The following ROBO2 variants were observed in gnomAD, a reference collection of about 807,000 sequenced individuals.
The protein encoded by ROBO2 is roundabout homolog 2.
ROBO2 carries 53 observed loss-of-function variants against 160.8 expected under a neutral mutation model. The ratio of observed to expected loss-of-function variants is 0.33; its 90% confidence interval spans 0.26 to 0.41. The LOEUF is 0.41. ROBO2 is among the 10% of genes least tolerant of loss of function. The pLI, the probability that ROBO2 is intolerant of heterozygous loss-of-function variation, is 1.00. For synonymous variants in ROBO2, 664 were observed against 611.7 expected (o/e 1.09, Z -1.26); for missense variants, 1,577 against 1,722.4 (o/e 0.92, Z 1.49).
intron 2 of ROBO2, among the ~76,000 whole-genome samples, chr3:75,976,480 T>G (rs1473585275): frequency 6.6e-6 from 1 of 151,484 alleles, no homozygotes; most frequent in Non-Finnish European, 1.5e-5. Context: ...ACTTATACAA[T>G]GTAGAAAGAA....
At chr3:77,343,057 G>GGAGAGAGA (rs766199289) in intron 2 of ROBO2, among the ~76,000 whole-genome samples, 1 of 63,666 alleles carries the variant, frequency 1.6e-5, no homozygotes, top group Admixed American at 1.6e-4. Flanking sequence ...ATAGGTAGAT[G>GGAGAGAGA]GAGAGAGAGA....
rs56787695 is a variant in ROBO2, at chr3:75,911,552, C to CTTTTTTTT, written c.-14+4608_-14+4615dup. On this transcript the variant is annotated intron_variant, in intron 1 of 26. Transcript: ENST00000487694. ...AAGATCCCTTTCTGAAGCCTTGTTT[C>CTTTTTTTT]TTTTTTTTTTTTTTTTTTTTTTTGA... is the stretch of plus-strand genomic sequence containing the variant. 4.7e-3 allele frequency among the ~76,000 whole-genome samples: 392 copies of CTTTTTTTT among 83,410 alleles called. 1 individual carries two copies. Among genetic ancestry groups the CTTTTTTTT allele is most frequent in the African/African-American group, 8.3e-3 (174 of 20,874 alleles). 54.7% of individuals were successfully genotyped at this position (83,410 alleles called of 152,430 possible).
In ROBO2 at chr3:76,180,001, T is replaced by A. The variant is rs138150628; in HGVS notation, c.109+242399T>A. Among the ~76,000 whole-genome samples the A allele has an allele frequency of 3.7e-3, 556 of 152,262 alleles. 4 individuals carry two copies. Among genetic ancestry groups the A allele is most frequent in the African/African-American group, 0.013 (540 of 41,554 alleles). The stretch of plus-strand genomic sequence containing the variant: ...GCTTGGAAGTTATTTATTTCGTCCG[T>A]GCCATTGCTTCTGCTGCTCCGGCAG... On this transcript the variant is annotated intron_variant, in intron 2 of 26. Coordinates refer to the ROBO2 transcript ENST00000487694.
At chr3:76,329,841 C>T (rs2073346990) in intron 2 of ROBO2, among the ~76,000 whole-genome samples, 1 of 152,092 alleles carries the variant, frequency 6.6e-6, no homozygotes, top group Non-Finnish European at 1.5e-5. Context: ...TCTTCAAAGG[C>T]CCTTTTATTT....
At chr3:76,080,875 T>C (rs943530273) in intron 2 of ROBO2, among the ~76,000 whole-genome samples, 2 of 152,316 alleles carry the variant, frequency 1.3e-5, no homozygotes, top group South Asian at 2.1e-4. Flanking sequence ...TAAAACTATT[T>C]TTAATCCTTG....
chr3:76,215,184 A>G (rs1703423138), intron 2 of ROBO2, among the ~76,000 whole-genome samples: 1 of 152,170 alleles, frequency 6.6e-6, no homozygotes, highest in South Asian at 2.1e-4. Context: ...TCAAAGACCA[A>G]AGGTAGATAA....
chr3:76,791,916 T>A (rs2108742071), intron 2 of ROBO2, among the ~76,000 whole-genome samples: 1 of 152,000 alleles, frequency 6.6e-6, no homozygotes, highest in South Asian at 2.1e-4. Flanking sequence ...TTTTGTTAAT[T>A]ATTATAAATA....
intron 2 of ROBO2, among the ~76,000 whole-genome samples, chr3:76,946,983 A>C (rs185919152): frequency 6.6e-6 from 1 of 152,190 alleles, no homozygotes; most frequent in Non-Finnish European, 1.5e-5. Context: ...TCTTGTGTAT[A>C]TTTAGTCTAA....
At chr3:76,944,249 T>A (rs760331031) in intron 2 of ROBO2, among the ~76,000 whole-genome samples, 16 of 152,156 alleles carry the variant, frequency 1.1e-4, no homozygotes, top group Non-Finnish European at 1.9e-4. Flanking sequence ...ACTGGCAAGT[T>A]ATCACAAATT....
At chr3:77,432,505 C>A (rs1255542417) in intron 2 of ROBO2, among the ~76,000 whole-genome samples, 1 of 152,078 alleles carries the variant, frequency 6.6e-6, no homozygotes, top group Non-Finnish European at 1.5e-5. Context: ...TATTATAGAC[C>A]AGGGTGTGGG....
chr3:76,018,152 A>G (rs530050853), intron 2 of ROBO2, among the ~76,000 whole-genome samples: 3 of 152,160 alleles, frequency 2.0e-5, no homozygotes, highest in East Asian at 3.9e-4. Context: ...TTACTGGGCA[A>G]TAGTTAAAAG....
At chr3:77,388,327 T>C (rs1227244876) in intron 2 of ROBO2, among the ~76,000 whole-genome samples, 1 of 152,110 alleles carries the variant, frequency 6.6e-6, no homozygotes, top group Non-Finnish European at 1.5e-5. Flanking sequence ...GGCTGGACAA[T>C]CACTTAAGCC....
At chr3:77,432,792 A>C (rs1265785703) in intron 2 of ROBO2, among the ~76,000 whole-genome samples, 1 of 152,160 alleles carries the variant, frequency 6.6e-6, no homozygotes, top group Middle Eastern at 3.2e-3. Flanking sequence ...TCAGGAATTC[A>C]TGCTACCCTA....
chr3:77,124,769 A>G (rs1229545745), intron 2 of ROBO2, among the ~76,000 whole-genome samples: 1 of 152,178 alleles, frequency 6.6e-6, no homozygotes, highest in African/African-American at 2.4e-5. Flanking sequence ...TCCAATTAAA[A>G]GTAACAAATA....
intron 3 of ROBO2, among the ~76,000 whole-genome samples, chr3:77,480,000 T>A (rs1391596498): frequency 6.6e-6 from 1 of 152,178 alleles, no homozygotes; most frequent in Non-Finnish European, 1.5e-5. Flanking sequence ...TACCTAGCTC[T>A]CAGCTTCAAG....
At chr3:76,141,179 A>ATATATATATATATATATATATT (rs1168896409) in intron 2 of ROBO2, among the ~76,000 whole-genome samples, 5 of 104,492 alleles carry the variant, frequency 4.8e-5, no homozygotes, top group Admixed American at 3.5e-4. Flanking sequence ...ATATATATAT[A>ATATATATATATATATATATATT]TATATATATT....
intron 2 of ROBO2, among the ~76,000 whole-genome samples, chr3:76,070,630 C>T (rs2068420897): frequency 6.6e-6 from 1 of 152,080 alleles, no homozygotes; most frequent in South Asian, 2.1e-4. Flanking sequence ...TCACCCACAC[C>T]TATTCGCACA....
intron 2 of ROBO2, among the ~76,000 whole-genome samples, chr3:76,979,867 T>C (rs1451028043): frequency 6.6e-6 from 1 of 151,854 alleles, no homozygotes; most frequent in Non-Finnish European, 1.5e-5. Context: ...TTTGAGGAGA[T>C]TCCTGGAAAC....
chr3:76,841,168 G>T (rs769375919), intron 2 of ROBO2, among the ~76,000 whole-genome samples: 3 of 152,098 alleles, frequency 2.0e-5, no homozygotes, highest in Admixed American at 2.0e-4. Flanking sequence ...CTGTGCAAGC[G>T]CCATTGGATT....
Sources: allele counts gnomAD v4.1 joint callset (sites outside exome capture counted in the v4.1 genomes callset), GRCh38; gene constraint gnomAD v4.1.1; transcripts MANE v1.5; gene names NCBI Gene and HGNC (gene_info 2026-07-23, HGNC 2026-07-21).